PUS10: variants seen among roughly 807,000 people sequenced by gnomAD.
PUS10 encodes pseudouridine synthase 10, also known as tRNA pseudouridine synthase Pus10.
Under a neutral mutation model 75.0 loss-of-function variants are expected in PUS10, and 59 were observed. That is an observed-to-expected ratio of 0.79 (90% CI 0.64 to 0.98). The LOEUF (loss-of-function observed/expected upper bound fraction) is 0.98. PUS10 is among the 50% of genes least tolerant of loss of function. The probability of loss-of-function intolerance (pLI) is 0.00; values close to 1 mark genes in which losing one functional copy is unlikely to be tolerated. For missense variants in PUS10, 650 were observed against 614.4 expected (o/e 1.06, Z -0.61); for synonymous variants, 219 against 211.6 (o/e 1.03, Z -0.30).
chr2:60,974,856 T>C (rs1260783100), intron 4 of PUS10, among the ~76,000 whole-genome samples: 3 of 152,180 alleles, frequency 2.0e-5, no homozygotes, highest in Admixed American at 2.0e-4. Context: ...TTGGCAGGCA[T>C]CAGACCCAGG....
intron 3 of PUS10, among the ~76,000 whole-genome samples, chr2:61,007,206 T>C (rs970931489): frequency 1.3e-5 from 2 of 150,368 alleles, no homozygotes; most frequent in Non-Finnish European, 2.9e-5. Flanking sequence ...TTGAGAAGAG[T>C]AGGCTTTTGT....
chr2:60,968,555 T>A (rs1333867257), intron 5 of PUS10, among the ~76,000 whole-genome samples: 1 of 151,598 alleles, frequency 6.6e-6, no homozygotes, highest in Non-Finnish European at 1.5e-5. Context: ...CAAAAGACAC[T>A]ACTAACCACA....
intron 4 of PUS10, among the ~76,000 whole-genome samples, chr2:60,988,905 G>A (rs1000388338): frequency 6.6e-6 from 1 of 151,418 alleles, no homozygotes; most frequent in Non-Finnish European, 1.5e-5. Flanking sequence ...GCTTCTCAAA[G>A]TGCTGGGATT....
chr2:61,007,001 T>C (rs1679254545), intron 3 of PUS10, among the ~76,000 whole-genome samples: 1 of 152,172 alleles, frequency 6.6e-6, no homozygotes, highest in South Asian at 2.1e-4. Flanking sequence ...TCATTTACCT[T>C]CTACAAGGCT....
chr2:60,957,525 C>T (rs902278853), intron 11 of PUS10, among the ~76,000 whole-genome samples: 6 of 152,246 alleles, frequency 3.9e-5, no homozygotes, highest in Admixed American at 6.5e-5. Context: ...CGGTGCTGTA[C>T]CTTTATCCCA....
chr2:60,947,970 T>C (rs1675073544), intron 16 of PUS10, 73 bp downstream of exon 16: 1 of 1,546,232 alleles, frequency 6.5e-7, no homozygotes, highest in Non-Finnish European at 8.9e-7. Flanking sequence ...GCTGACCCTG[T>C]TTTCTAGGGG....
chr2:60,951,565 C>T (rs186147754), intron 15 of PUS10, among the ~76,000 whole-genome samples: 25 of 152,246 alleles, frequency 1.6e-4, no homozygotes, highest in African/African-American at 5.8e-4. Context: ...CGTGTCATTT[C>T]CACGAGGGTT....
chr2:60,996,429 C>G (rs1242056106), intron 4 of PUS10, among the ~76,000 whole-genome samples: 1 of 152,162 alleles, frequency 6.6e-6, no homozygotes, highest in Non-Finnish European at 1.5e-5. Context: ...CTTAACACAG[C>G]AGCTCTGCCT....
At chr2:60,955,821 A>G (rs746288225) in intron 11 of PUS10, among the ~76,000 whole-genome samples, 15 of 152,184 alleles carry the variant, frequency 9.9e-5, no homozygotes, top group Non-Finnish European at 1.9e-4. Flanking sequence ...TTGGAAGAAG[A>G]GCCCACCACC....
intron 6 of PUS10, 42 bp downstream of exon 6, chr2:60,967,460 T>G: frequency 7.5e-7 from 1 of 1,341,066 alleles, no homozygotes; most frequent in East Asian, 2.4e-5. Flanking sequence ...GTAAAACTAG[T>G]AAAATCAGAG....
intron 1 of PUS10, chr2:61,017,749 A>C (rs1296705321): frequency 2.6e-6 from 4 of 1,548,070 alleles, no homozygotes; most frequent in South Asian, 1.2e-5. Context: ...AGCCGAGAGG[A>C]GGCGGAGGAG....
intron 15 of PUS10, among the ~76,000 whole-genome samples, chr2:60,951,743 C>T (rs897766369): frequency 1.3e-5 from 2 of 152,198 alleles, no homozygotes; most frequent in African/African-American, 4.8e-5. Flanking sequence ...CCAGCTGGTA[C>T]CACCAGGGGG....
chr2:60,976,928 C>A (rs1480043329), intron 4 of PUS10, among the ~76,000 whole-genome samples: 1 of 152,122 alleles, frequency 6.6e-6, no homozygotes, highest in South Asian at 2.1e-4. Context: ...AAGCAAATGG[C>A]ATTAAAGTTA....
intron 4 of PUS10, among the ~76,000 whole-genome samples, chr2:60,972,675 G>T (rs769452361): frequency 5.9e-5 from 9 of 152,070 alleles, no homozygotes; most frequent in Non-Finnish European, 1.2e-4. Flanking sequence ...CTGCTTCTAC[G>T]TGTCACAAAA....
At chr2:60,973,348 G>T (rs922975077) in intron 4 of PUS10, among the ~76,000 whole-genome samples, 3 of 152,240 alleles carry the variant, frequency 2.0e-5, no homozygotes, top group Non-Finnish European at 2.9e-5. Flanking sequence ...GCACTTTCAG[G>T]GACCCGGGAA....
rs749455298 is a variant in PUS10, at chr2:60,954,172, C to A, written c.1058-14G>T. 9 of 1,613,532 alleles carry A rather than the reference C, an allele frequency of 5.6e-6. No individual in the cohort carries two copies. The Admixed American group carries it at 1.3e-4, about 24-fold the overall frequency. ...CAAAGGGCCTTCCTGGCAGCACACA[C>A]CCCGTCATGAAACAGAAACGTGTTG... On this transcript the variant is annotated splice_polypyrimidine_tract_variant and intron_variant, in intron 12 of 17. Coordinates refer to ENST00000316752, the MANE Select transcript of PUS10 (RefSeq NM_144709.4).
At chr2:60,981,263 T>A (rs1428229228) in intron 4 of PUS10, among the ~76,000 whole-genome samples, 2 of 151,808 alleles carry the variant, frequency 1.3e-5, no homozygotes, top group African/African-American at 4.8e-5. Flanking sequence ...ATATTTACCA[T>A]ATTAGCAATT....
At chr2:60,944,394 T>C (rs1459897105) in intron 17 of PUS10, 1 of 214,438 alleles carries the variant, frequency 4.7e-6, no homozygotes, top group Non-Finnish European at 8.0e-6. Flanking sequence ...CAAGTACAAA[T>C]CCCCAAGTCC....
intron 15 of PUS10, among the ~76,000 whole-genome samples, chr2:60,952,057 C>T (rs536744136): frequency 6.6e-6 from 1 of 152,014 alleles, no homozygotes; most frequent in Non-Finnish European, 1.5e-5. Context: ...TATTTTTGGC[C>T]GGGCACGGTG....
Sources: gnomAD v4.1 joint callset for allele counts (sites outside exome capture counted in the v4.1 genomes callset) on GRCh38, gnomAD v4.1.1 for gene constraint, MANE v1.5 for transcripts, NCBI Gene and HGNC (gene_info 2026-07-23, HGNC 2026-07-21) for gene names.